Variants in DCC observed in about 807,000 individuals in gnomAD.
DCC encodes the protein netrin receptor DCC.
A neutral mutation model predicts 172.5 loss-of-function variants in DCC; 58 were observed. That is an observed-to-expected ratio of 0.34 (90% CI 0.27 to 0.42). The LOEUF (loss-of-function observed/expected upper bound fraction) is 0.42, where lower values mean the gene tolerates loss of function less well. DCC is among the 10% of genes least tolerant of loss of function. DCC has a pLI of 1.00. For synonymous variants in DCC, 709 were observed against 644.5 expected (o/e 1.10, Z -1.52); for missense variants, 1,740 against 1,791.0 (o/e 0.97, Z 0.51).
At chr18:52,469,030 GATTT>G (rs3086373) in intron 1 of DCC, among the ~76,000 whole-genome samples, 50,134 of 145,264 alleles carry the variant, frequency 0.35, 9,119 homozygotes, top group Middle Eastern at 0.43. Flanking sequence ...AAACAATTTT[GATTT>G]ATTTATTTAT....
At chr18:52,802,546 C>T (rs1016920312) in intron 2 of DCC, among the ~76,000 whole-genome samples, 13 of 148,036 alleles carry the variant, frequency 8.8e-5, no homozygotes, top group Non-Finnish European at 6.0e-5. Flanking sequence ...ATGAACAGGG[C>T]CGACTGACTG....
At chr18:52,884,717 T>G (rs2039544761) in intron 2 of DCC, among the ~76,000 whole-genome samples, 1 of 152,210 alleles carries the variant, frequency 6.6e-6, no homozygotes, top group Admixed American at 6.5e-5. Flanking sequence ...TTAGTTCATT[T>G]GGTAAAGTCA....
intron 1 of DCC, among the ~76,000 whole-genome samples, chr18:52,551,737 C>CAT (rs1366629537): frequency 2.1e-5 from 3 of 142,386 alleles, no homozygotes. Context: ...TACACACACA[C>CAT]ACACACACAC....
At chr18:52,586,600 G>T (rs907760598) in intron 1 of DCC, among the ~76,000 whole-genome samples, 2 of 152,194 alleles carry the variant, frequency 1.3e-5, no homozygotes, top group African/African-American at 2.4e-5. Flanking sequence ...CCAGCAGAAG[G>T]TAATGTTGCA....
intron 1 of DCC, among the ~76,000 whole-genome samples, chr18:52,668,326 A>C (rs1353959755): frequency 6.6e-6 from 1 of 152,212 alleles, no homozygotes; most frequent in Admixed American, 6.5e-5. Context: ...TTGGGAGAAT[A>C]AGCTAATAAG....
intron 5 of DCC, among the ~76,000 whole-genome samples, chr18:52,979,037 T>A (rs2041165885): frequency 6.6e-6 from 1 of 152,196 alleles, no homozygotes; most frequent in African/African-American, 2.4e-5. Context: ...GGTACCTTTT[T>A]GATAGGACTT....
chr18:53,502,886 C>T (rs1167393275), intron 27 of DCC, among the ~76,000 whole-genome samples: 1 of 151,868 alleles, frequency 6.6e-6, no homozygotes. Flanking sequence ...GGTACATGTG[C>T]AGGACATGCA....
At chr18:52,563,646 G>A (rs1336624583) in intron 1 of DCC, among the ~76,000 whole-genome samples, 1 of 152,056 alleles carries the variant, frequency 6.6e-6, no homozygotes, top group Admixed American at 6.6e-5. Flanking sequence ...ACAATTAAAA[G>A]GGCCACTTGT....
At chr18:53,342,281 C>T (rs1049326231) in intron 15 of DCC, among the ~76,000 whole-genome samples, 2 of 151,940 alleles carry the variant, frequency 1.3e-5, no homozygotes, top group Non-Finnish European at 2.9e-5. Context: ...AACAACTTGC[C>T]TGCTATAGGC....
At chr18:52,737,277 C>T (rs945656833) in intron 1 of DCC, among the ~76,000 whole-genome samples, 2 of 152,022 alleles carry the variant, frequency 1.3e-5, no homozygotes, top group East Asian at 3.9e-4. Flanking sequence ...CTCCAAGACC[C>T]CACAAGACAC....
At chr18:52,842,941 C>A (rs111856400) in intron 2 of DCC, among the ~76,000 whole-genome samples, 4,074 of 152,190 alleles carry the variant, frequency 0.027, 164 homozygotes, top group African/African-American at 0.09. Context: ...GAAGCAAGTT[C>A]GGAGAAATCG....
chr18:52,667,717 T>C lies in DCC; in HGVS notation c.92-84337T>C, dbSNP rs376095461. Reference sequence around the variant, plus strand: ...GTCCAGGCTTACCAACTGCTTCCCCTGGAGGGGGAAGAGCTGGAGGGTGAG... The same window carrying C: ...GTCCAGGCTTACCAACTGCTTCCCCCGGAGGGGGAAGAGCTGGAGGGTGAG... On this transcript the variant is annotated intron_variant, in intron 1 of 28. Coordinates refer to ENST00000442544, the MANE Select transcript of DCC (RefSeq NM_005215.4). Among the ~76,000 whole-genome samples, 4 of 152,294 alleles carry C rather than the reference T, an allele frequency of 2.6e-5. No individual in the cohort carries two copies. In the South Asian group the frequency reaches 6.2e-4, roughly 24 times the overall value.
chr18:52,717,637 A>G (rs1406524915), intron 1 of DCC, among the ~76,000 whole-genome samples: 1 of 152,060 alleles, frequency 6.6e-6, no homozygotes, highest in Admixed American at 6.6e-5. Context: ...CTACCTTTAT[A>G]TGTAATGGAC....
chr18:52,374,358 C>T (rs1985256801), intron 1 of DCC, among the ~76,000 whole-genome samples: 1 of 152,058 alleles, frequency 6.6e-6, no homozygotes, highest in Non-Finnish European at 1.5e-5. Flanking sequence ...TTGTTGGACA[C>T]TTTTATCTGA....
At chr18:52,341,233 C>T (rs1378837734) in intron 1 of DCC, among the ~76,000 whole-genome samples, 2 of 152,078 alleles carry the variant, frequency 1.3e-5, no homozygotes, top group South Asian at 4.1e-4. Context: ...CAGAAACCTA[C>T]CAAGTGGGGA....
At chr18:53,161,940 A>G (rs920549034) in intron 8 of DCC, among the ~76,000 whole-genome samples, 1 of 152,192 alleles carries the variant, frequency 6.6e-6, no homozygotes, top group Admixed American at 6.5e-5. Flanking sequence ...GTATTTCATC[A>G]TATTATTCTG....
At chr18:52,356,028 C>G (rs1358844354) in intron 1 of DCC, among the ~76,000 whole-genome samples, 1 of 152,188 alleles carries the variant, frequency 6.6e-6, no homozygotes, top group African/African-American at 2.4e-5. Context: ...GATCTCATCA[C>G]TAGCAATGAC....
chr18:52,607,995 A>G (rs777248681), intron 1 of DCC, among the ~76,000 whole-genome samples: 2 of 152,158 alleles, frequency 1.3e-5, no homozygotes, highest in Non-Finnish European at 2.9e-5. Context: ...GACTTGCAAC[A>G]TGGAGGAACC....
intron 2 of DCC, among the ~76,000 whole-genome samples, chr18:52,819,698 T>A (rs1006281851): frequency 6.6e-6 from 1 of 150,592 alleles, no homozygotes; most frequent in African/African-American, 2.4e-5. Flanking sequence ...TAATTCTCCT[T>A]TTATATAGCA....
Sources: gnomAD v4.1 joint callset for allele counts (sites outside exome capture counted in the v4.1 genomes callset) on GRCh38, gnomAD v4.1.1 for gene constraint, MANE v1.5 for transcripts, NCBI Gene and HGNC (gene_info 2026-07-23, HGNC 2026-07-21) for gene names.